RARB: variants seen among roughly 807,000 people sequenced by gnomAD.
RARB encodes the protein retinoic acid receptor beta, also known as HBV-activated protein.
RARB carries 17 observed loss-of-function variants against 51.9 expected under a neutral mutation model. That is an observed-to-expected ratio of 0.33 (90% confidence interval 0.22 to 0.49). The LOEUF (loss-of-function observed/expected upper bound fraction) is 0.49. RARB is among the 20% of genes least tolerant of loss of function. The pLI is 0.99. For synonymous variants in RARB, 215 were observed against 195.4 expected (o/e 1.10, Z -0.84); for missense variants, 369 against 550.8 (o/e 0.67, Z 3.30).
At chr3:25,462,556 C>T (rs1048424235) in intron 2 of RARB, 2 of 152,222 alleles carry the variant, frequency 1.3e-5, no homozygotes, top group Non-Finnish European at 2.9e-5. Context: ...GCAGAGTTAG[C>T]ACTTAACTGT....
At chr3:25,027,360 C>A (rs903475576) in intron 2 of RARB, among the ~76,000 whole-genome samples, 13 of 152,078 alleles carry the variant, frequency 8.5e-5, no homozygotes, top group African/African-American at 2.9e-4. Context: ...GCAGGCTGGG[C>A]AATATGGGCA....
chr3:25,001,400 A>G (rs1269136007), intron 2 of RARB, among the ~76,000 whole-genome samples: 14 of 152,134 alleles, frequency 9.2e-5, no homozygotes, highest in Non-Finnish European at 2.1e-4. Flanking sequence ...AGAGGTTTTG[A>G]TAAGTCCCAA....
chr3:25,106,826 T>C (rs988964611), intron 3 of RARB, among the ~76,000 whole-genome samples: 1 of 152,068 alleles, frequency 6.6e-6, no homozygotes, highest in African/African-American at 2.4e-5. Context: ...CTTCAGCGGG[T>C]TGCTGGAGCT....
In RARB at chr3:25,381,588, C is replaced by G. The variant is rs531724056; in HGVS notation, c.179-79605C>G. Reference sequence around the variant, plus strand: ...GCTGTTATCATTTGCTTTGGTCACTCAAGTTGGCATCACATTTAAGGAAAC... The same window carrying G: ...GCTGTTATCATTTGCTTTGGTCACTGAAGTTGGCATCACATTTAAGGAAAC... On this transcript the variant is annotated intron_variant, in intron 5 of 11. Coordinates refer to the RARB transcript ENST00000383772. Among the ~76,000 whole-genome samples, 6 of 152,324 alleles carry G rather than the reference C, an allele frequency of 3.9e-5. No homozygotes were observed. The South Asian group carries it at 1.2e-3, about 32-fold the overall frequency.
At chr3:25,057,690 T>C (rs1191456461) in intron 2 of RARB, among the ~76,000 whole-genome samples, 1 of 152,058 alleles carries the variant, frequency 6.6e-6, no homozygotes, top group Non-Finnish European at 1.5e-5. Flanking sequence ...TTTTGATTTA[T>C]ACTCATGCTT....
At chr3:24,899,113 T>A (rs1703542361) in intron 2 of RARB, among the ~76,000 whole-genome samples, 1 of 152,210 alleles carries the variant, frequency 6.6e-6, no homozygotes, top group Non-Finnish European at 1.5e-5. Flanking sequence ...TTGGGACCAG[T>A]GACTTAATTT....
intron 4 of RARB, among the ~76,000 whole-genome samples, chr3:25,171,951 A>T (rs566446127): frequency 2.0e-5 from 3 of 152,306 alleles, no homozygotes; most frequent in African/African-American, 7.2e-5. Context: ...GATGAAACCG[A>T]TTCAGAGGCT....
intron 5 of RARB, chr3:25,174,718 T>C (rs1306036372): frequency 2.4e-6 from 2 of 848,400 alleles, no homozygotes; most frequent in African/African-American, 3.6e-5. Flanking sequence ...CTTTTAGTTC[T>C]GTGGAAAGAG....
chr3:25,428,247 C>G, upstream of RARB: 1 of 1,232,154 alleles, frequency 8.1e-7, no homozygotes, highest in Non-Finnish European at 1.0e-6. Context: ...TTAGGCAATT[C>G]AATCTTTCAT....
chr3:24,831,872 C>T (rs546143849), intron 1 of RARB, among the ~76,000 whole-genome samples: 20 of 152,168 alleles, frequency 1.3e-4, no homozygotes, highest in Admixed American at 6.5e-4. Context: ...AAGAGCTACA[C>T]ATTGTGTGAT....
chr3:25,283,704 G>C (rs1703579958), intron 5 of RARB, among the ~76,000 whole-genome samples: 2 of 152,322 alleles, frequency 1.3e-5, no homozygotes, highest in Admixed American at 6.5e-5. Context: ...TGGGGCTGCT[G>C]TACTGAGCTG....
At chr3:25,125,225 C>A (rs1699842606) in intron 3 of RARB, among the ~76,000 whole-genome samples, 1 of 152,134 alleles carries the variant, frequency 6.6e-6, no homozygotes. Flanking sequence ...TTAATCAGGG[C>A]ATCTGAAATA....
At chr3:25,195,582 T>G (rs2125366613) in intron 5 of RARB, among the ~76,000 whole-genome samples, 1 of 152,146 alleles carries the variant, frequency 6.6e-6, no homozygotes, top group Middle Eastern at 3.4e-3. Flanking sequence ...AAGCATTTTC[T>G]TAGGACCTTA....
chr3:25,109,411 G>A (rs951949233), intron 3 of RARB, among the ~76,000 whole-genome samples: 11 of 151,976 alleles, frequency 7.2e-5, no homozygotes, highest in African/African-American at 2.7e-4. Context: ...ATGATCTGGG[G>A]GGATCAAATC....
intron 1 of RARB, among the ~76,000 whole-genome samples, chr3:25,434,045 A>C (rs1267733493): frequency 6.6e-6 from 1 of 152,158 alleles, no homozygotes; most frequent in Non-Finnish European, 1.5e-5. Flanking sequence ...TAGTAAGATA[A>C]GACTCTCTGC....
chr3:25,589,886 G>A (rs1048338941), intron 5 of RARB, among the ~76,000 whole-genome samples: 3 of 152,202 alleles, frequency 2.0e-5, no homozygotes, highest in African/African-American at 7.2e-5. Context: ...TTCAAACAAA[G>A]AGTGTTTTAA....
Position 25,069,372 on chromosome 3 carries a change from A to G in RARB, c.-328+9196A>G, listed in dbSNP as rs529520738. Among the ~76,000 whole-genome samples the G allele has an allele frequency of 1.5e-4, 23 of 152,344 alleles. No homozygotes were observed. The East Asian group carries it at 4.4e-3, about 29-fold the overall frequency. ...CTATCACTCAGTTCCCTGGTGACAC[A>G]GAAAGTAAACCTTCTCTAAGGGCTT... On this transcript the variant is annotated intron_variant, in intron 3 of 11. Coordinates refer to the RARB transcript ENST00000383772.
chr3:25,328,554 G>A lies in RARB; in HGVS notation c.179-132639G>A, dbSNP rs375189221. On this transcript the variant is annotated intron_variant, in intron 5 of 11. Transcript: ENST00000383772. ...GTAAAAATAAATAAGTGAAATAAGG[G>A]GGAGGTTCCAAGATGGCCGAATAGG... is the stretch of plus-strand genomic sequence containing the variant. Among the ~76,000 whole-genome samples the A allele has an allele frequency of 9.9e-5, 15 of 152,210 alleles. No individual in the cohort carries two copies. The East Asian group carries it at 1.5e-3, about 16-fold the overall frequency.
chr3:25,193,093 A>C (rs933464099), intron 5 of RARB, among the ~76,000 whole-genome samples: 2 of 152,114 alleles, frequency 1.3e-5, no homozygotes, highest in African/African-American at 4.8e-5. Context: ...GAGGGCCTCA[A>C]GTAATTGCTA....
Sources: gnomAD v4.1 joint callset for allele counts (sites outside exome capture counted in the v4.1 genomes callset) on GRCh38, gnomAD v4.1.1 for gene constraint, MANE v1.5 for transcripts, NCBI Gene and HGNC (gene_info 2026-07-23, HGNC 2026-07-21) for gene names.